Variants in TCF12 observed in about 807,000 individuals in gnomAD.
TCF12 encodes the protein DNA-binding protein HTF4.
TCF12 carries 45 observed loss-of-function variants against 86.0 expected under a neutral mutation model. The ratio of observed to expected loss-of-function variants is 0.52; its 90% CI spans 0.41 to 0.67. The LOEUF (loss-of-function observed/expected upper bound fraction) is 0.67, where lower values mean the gene tolerates loss of function less well. Among genes scored for constraint, TCF12 ranks in the 30% least tolerant of loss-of-function variants. The pLI, the probability that TCF12 is intolerant of heterozygous loss-of-function variation, is 0.00. For missense variants in TCF12, 881 were observed against 859.9 expected, an observed-to-expected ratio of 1.02 and a Z score of -0.31; for synonymous variants, 330 against 299.6, an observed-to-expected ratio of 1.10 and a Z score of -1.05.
chr15:57,155,707 ATTGAACCCAAGAG>A (rs1179043008), intron 5 of TCF12, among the ~76,000 whole-genome samples: 1 of 152,136 alleles, frequency 6.6e-6, no homozygotes, highest in Non-Finnish European at 1.5e-5. Flanking sequence ...AAGCAGGAGG[ATTGAACCCAAGAG>A]TTCAAGGCTA....
At chr15:57,159,735 G>A (rs1275986422) in intron 5 of TCF12, among the ~76,000 whole-genome samples, 3 of 151,744 alleles carry the variant, frequency 2.0e-5, no homozygotes, top group Non-Finnish European at 4.4e-5. Context: ...TATAACACAT[G>A]GAGTTTTTCT....
chr15:57,065,004 C>G (rs962240690), intron 4 of TCF12, among the ~76,000 whole-genome samples: 5 of 152,074 alleles, frequency 3.3e-5, no homozygotes. Flanking sequence ...ATGGTTTACA[C>G]AAGTTTGCAT....
intron 5 of TCF12, among the ~76,000 whole-genome samples, chr15:57,112,091 C>T (rs977292605): frequency 6.6e-6 from 1 of 152,164 alleles, no homozygotes; most frequent in Admixed American, 6.5e-5. Context: ...AAATCCTCTG[C>T]CCCTCATCCG....
At chr15:57,241,214 C>T (rs1005309959) in intron 12 of TCF12, among the ~76,000 whole-genome samples, 2 of 151,944 alleles carry the variant, frequency 1.3e-5, no homozygotes, top group African/African-American at 4.8e-5. Flanking sequence ...CTGCCTCAGA[C>T]CCCGCGAGTA....
intron 19 of TCF12, among the ~76,000 whole-genome samples, chr15:57,279,351 G>A (rs1232719090): frequency 6.6e-6 from 1 of 152,168 alleles, no homozygotes; most frequent in Non-Finnish European, 1.5e-5. Context: ...TGTTATAAGA[G>A]AGTCAAGTCC....
At chr15:57,164,776 G>T (rs368938597) in intron 5 of TCF12, among the ~76,000 whole-genome samples, 1 of 152,174 alleles carries the variant, frequency 6.6e-6, no homozygotes, top group African/African-American at 2.4e-5. Context: ...TGCCTCCTGG[G>T]TTCAAATGAT....
intron 18 of TCF12, among the ~76,000 whole-genome samples, chr15:57,269,360 C>CTTTTTTTTTTTTTTTTTTTTTT (rs56700978): frequency 3.1e-5 from 1 of 31,944 alleles, no homozygotes; most frequent in Non-Finnish European, 5.2e-5. Context: ...ACAACCCCTG[C>CTTTTTTTTTTTTTTTTTTTTTT]TTTTTTTTTT....
chr15:57,075,796 TTCTTTCTTTC>T (rs1488059996), intron 4 of TCF12, among the ~76,000 whole-genome samples: 11 of 26,028 alleles, frequency 4.2e-4, no homozygotes, highest in Middle Eastern at 0.025. Flanking sequence ...CTTTCTTTCT[TTCTTTCTTTC>T]TCTCTCTCTC....
intron 8 of TCF12, among the ~76,000 whole-genome samples, chr15:57,204,580 A>G (rs750057777): frequency 6.6e-6 from 1 of 152,282 alleles, no homozygotes; most frequent in African/African-American, 2.4e-5. Flanking sequence ...GTCATTTGTT[A>G]TCGTAAATTT....
At chr15:57,107,604 GGCCAGGCA>G (rs2050220808) in intron 5 of TCF12, among the ~76,000 whole-genome samples, 1 of 152,034 alleles carries the variant, frequency 6.6e-6, no homozygotes, top group Admixed American at 6.6e-5. Context: ...TAGGTTCATT[GGCCAGGCA>G]TGGTGGCTCA....
chr15:57,252,927 C>CTTT (rs57946842), intron 15 of TCF12, among the ~76,000 whole-genome samples: 10 of 89,764 alleles, frequency 1.1e-4, no homozygotes, highest in Non-Finnish European at 1.4e-4. Context: ...ATAGGTTGTA[C>CTTT]TTTTTTTTTT....
At chr15:57,086,363 A>G (rs1488553306) in intron 4 of TCF12, among the ~76,000 whole-genome samples, 1 of 151,890 alleles carries the variant, frequency 6.6e-6, no homozygotes, top group Non-Finnish European at 1.5e-5. Context: ...TATTACCATC[A>G]TCTACATTTT....
intron 3 of TCF12, among the ~76,000 whole-genome samples, chr15:56,979,554 T>C (rs1238415516): frequency 6.6e-6 from 1 of 152,184 alleles, no homozygotes; most frequent in Non-Finnish European, 1.5e-5. Flanking sequence ...TGAAAGTGTT[T>C]TTAGGAAGCA....
intron 3 of TCF12, among the ~76,000 whole-genome samples, chr15:56,931,195 A>G (rs1235018716): frequency 2.0e-5 from 3 of 152,074 alleles, no homozygotes; most frequent in African/African-American, 7.2e-5. Context: ...ACTTGTTTAT[A>G]TAAAGCAAAT....
intron 5 of TCF12, among the ~76,000 whole-genome samples, chr15:57,159,943 A>C (rs1322105534): frequency 6.6e-6 from 1 of 152,236 alleles, no homozygotes; most frequent in African/African-American, 2.4e-5. Context: ...TATTTACTGG[A>C]CTGCTGCAGA....
chr15:57,076,148 G>C (rs1224074378), intron 4 of TCF12, among the ~76,000 whole-genome samples: 1 of 151,790 alleles, frequency 6.6e-6, no homozygotes, highest in Non-Finnish European at 1.5e-5. Flanking sequence ...GAGCCACTGC[G>C]TTCGGATGGG....
intron 5 of TCF12, among the ~76,000 whole-genome samples, chr15:57,100,857 G>A (rs1303711022): frequency 2.6e-5 from 4 of 152,088 alleles, no homozygotes; most frequent in Admixed American, 1.3e-4. Context: ...AAATTTGAAA[G>A]CATATACTGA....
intron 8 of TCF12, among the ~76,000 whole-genome samples, chr15:57,230,752 G>T (rs2059097779): frequency 1.3e-5 from 2 of 151,942 alleles, no homozygotes; most frequent in Admixed American, 1.3e-4. Flanking sequence ...ACACTGAAAA[G>T]AATGAATTTT....
Position 56,950,719 on chromosome 15 carries a change from A to G in TCF12, c.148+29621A>G, listed in dbSNP as rs569105124. On this transcript the variant is annotated intron_variant, in intron 3 of 20. Coordinates refer to ENST00000333725, the MANE Select transcript of TCF12 (RefSeq NM_207037.2). Reference sequence around the variant, plus strand: ...TTTGGGTTGTCTCCAATTTTGGGATATTACAAATAAAGCTATTATGACCAT... The same window carrying G: ...TTTGGGTTGTCTCCAATTTTGGGATGTTACAAATAAAGCTATTATGACCAT... Among the ~76,000 whole-genome samples the G allele has an allele frequency of 4.3e-5, 5 of 116,340 alleles. No homozygotes were observed. The South Asian group carries it at 1.4e-3, about 33-fold the overall frequency. 76.3% of individuals were successfully genotyped at this position (116,340 alleles called of 152,430 possible). A position where few individuals can be genotyped will look rare whatever the true frequency, so the allele number is the denominator to read the frequency against.
Sources: allele counts gnomAD v4.1 joint callset (sites outside exome capture counted in the v4.1 genomes callset), GRCh38; gene constraint gnomAD v4.1.1; transcripts MANE v1.5; gene names NCBI Gene and HGNC (gene_info 2026-07-23, HGNC 2026-07-21).